Variants in RBPJ observed in about 807,000 individuals in gnomAD.
RBPJ encodes recombining binding protein suppressor of hairless.
RBPJ carries 9 observed loss-of-function variants against 67.8 expected under a neutral mutation model. The observed-to-expected ratio is 0.13, with a 90% confidence interval of 0.08 to 0.23. The LOEUF (loss-of-function observed/expected upper bound fraction) is 0.23. RBPJ is among the 10% of genes least tolerant of loss of function. The pLI, the probability that RBPJ is intolerant of heterozygous loss-of-function variation, is 1.00. For synonymous variants in RBPJ, 198 were observed against 203.3 expected (o/e 0.97, Z 0.22); for missense variants, 305 against 595.6 (o/e 0.51, Z 5.08).
At chr4:26,425,983 A>G (rs1320721554) in intron 7 of RBPJ, among the ~76,000 whole-genome samples, 2 of 151,120 alleles carry the variant, frequency 1.3e-5, no homozygotes, top group African/African-American at 2.4e-5. Context: ...CTCTGTCATG[A>G]TTGTACAAGG....
chr4:26,399,308 C>T (rs1228216170), intron 2 of RBPJ, among the ~76,000 whole-genome samples: 3 of 152,142 alleles, frequency 2.0e-5, no homozygotes, highest in Non-Finnish European at 4.4e-5. Context: ...TTTTTCTTGA[C>T]TATTCTGTAA....
At position 26,425,865 on chromosome 4, in the gene RBPJ, A is replaced by G. The variant is rs912181719; in HGVS notation, c.747+1122A>G. ...GCCTCCTATTTATCTTTTTGGTGCA[A>G]TATTCCACTGGCTTATATTTTCTGG... On this transcript the variant is annotated intron_variant, in intron 7 of 10. Coordinates refer to ENST00000355476, the MANE Select transcript of RBPJ (RefSeq NM_015874.6). Among the ~76,000 whole-genome samples, 11 of 152,168 alleles carry G rather than the reference A, an allele frequency of 7.2e-5. 1 individual carries two copies. The South Asian group carries it at 2.1e-3, about 29-fold the overall frequency.
chr4:26,276,497 G>GA (rs1183602235), intron 1 of RBPJ, among the ~76,000 whole-genome samples: 1 of 151,970 alleles, frequency 6.6e-6, no homozygotes, highest in Non-Finnish European at 1.5e-5. Context: ...TCGCCTCCTT[G>GA]AAAAAAACAC....
chr4:26,234,906 T>C (rs984819000), intron 1 of RBPJ, among the ~76,000 whole-genome samples: 7 of 152,120 alleles, frequency 4.6e-5, no homozygotes, highest in African/African-American at 1.7e-4. Context: ...TTGGCCAGGC[T>C]GGTTTCGAAC....
chr4:26,119,816 A>G, the RBPJ span, among the ~76,000 whole-genome samples: 2 of 152,244 alleles, frequency 1.3e-5, no homozygotes, highest in African/African-American at 4.8e-5. Context: ...TTCAAGTCCT[A>G]GATGTGGCCT....
chr4:26,379,299 A>G (rs1194170802), intron 1 of RBPJ, among the ~76,000 whole-genome samples: 1 of 151,968 alleles, frequency 6.6e-6, no homozygotes, highest in Non-Finnish European at 1.5e-5. Flanking sequence ...CCCGCCTCTC[A>G]AGCAGTCCTC....
chr4:26,124,787 G>T, the RBPJ span, among the ~76,000 whole-genome samples: 1 of 151,982 alleles, frequency 6.6e-6, no homozygotes, highest in African/African-American at 2.4e-5. Context: ...GTTTACATCA[G>T]CATTACCACA....
At chr4:26,256,836 C>T (rs1369040113) in intron 1 of RBPJ, among the ~76,000 whole-genome samples, 5 of 152,180 alleles carry the variant, frequency 3.3e-5, no homozygotes, top group South Asian at 2.1e-4. Flanking sequence ...AACAATGAAG[C>T]GAAACTCAGA....
chr4:26,212,439 T>TTC (rs1718460734), intron 1 of RBPJ, among the ~76,000 whole-genome samples: 40 of 135,680 alleles, frequency 2.9e-4, no homozygotes, highest in African/African-American at 9.5e-4. Flanking sequence ...TTTCTTTTTT[T>TTC]TTTTTTTTTT....
chr4:26,270,356 A>AGAAAGAAG (rs1720840231), intron 1 of RBPJ, among the ~76,000 whole-genome samples: 1 of 8,256 alleles, frequency 1.2e-4, no homozygotes, highest in Non-Finnish European at 2.6e-4. Context: ...AGAGAGCAAG[A>AGAAAGAAG]GAAAGAAAGA....
chr4:26,190,163 T>G (rs948194727), intron 1 of RBPJ, among the ~76,000 whole-genome samples: 2 of 152,238 alleles, frequency 1.3e-5, no homozygotes, highest in African/African-American at 4.8e-5. Context: ...CTTGTAGCAT[T>G]TGCTGCCTGC....
chr4:26,210,903 G>A (rs1171314073), intron 1 of RBPJ, among the ~76,000 whole-genome samples: 2 of 151,522 alleles, frequency 1.3e-5, no homozygotes, highest in East Asian at 3.9e-4. Flanking sequence ...AGCTTTTTCT[G>A]AAGTACTAGG....
In RBPJ at chr4:26,244,245, G is replaced by GTATACACATA. The variant is rs1398210705; in HGVS notation, c.-167+80632_-167+80633insATACACATAT. Among the ~76,000 whole-genome samples the GTATACACATA allele has an allele frequency of 3.7e-4, 7 of 18,774 alleles. 3 individuals carry two copies. The highest frequency in any genetic ancestry group is 7.4e-4 in the African/African-American group (5 of 6,774). The allele number at this position is 18,774 out of a possible 152,430, so 12.3% of individuals were successfully genotyped here. A position where few individuals can be genotyped will look rare whatever the true frequency, so the allele number is the denominator to read the frequency against. ...TGTACACATATATGTGTCTATATAT[G>GTATACACATA]TGTACACATACACATATGTGTACAC... On this transcript the variant is annotated intron_variant, in intron 1 of 4. Transcript: ENST00000512351.
chr4:26,255,205 C>A (rs959567998), intron 1 of RBPJ, among the ~76,000 whole-genome samples: 1 of 139,844 alleles, frequency 7.2e-6, no homozygotes, highest in African/African-American at 2.7e-5. Flanking sequence ...GAGATCGGGA[C>A]CATCCTGGCT....
chr4:26,195,615 G>A (rs1426894767), intron 1 of RBPJ, among the ~76,000 whole-genome samples: 1 of 151,868 alleles, frequency 6.6e-6, no homozygotes, highest in Non-Finnish European at 1.5e-5. Flanking sequence ...TGTTTTTTGA[G>A]ACGGAGTCTC....
intron 1 of RBPJ, among the ~76,000 whole-genome samples, chr4:26,220,339 C>T (rs1718860302): frequency 6.6e-6 from 1 of 152,142 alleles, no homozygotes; most frequent in Non-Finnish European, 1.5e-5. Flanking sequence ...TTGCAATAGT[C>T]ATTCTCCCTA....
At chr4:26,356,376 A>T (rs531826116) in intron 1 of RBPJ, among the ~76,000 whole-genome samples, 36 of 152,330 alleles carry the variant, frequency 2.4e-4, no homozygotes, top group African/African-American at 8.7e-4. Flanking sequence ...ATCAGGCCAA[A>T]TAGACTGGGA....
chr4:26,364,680 G>A (rs1380224445), intron 1 of RBPJ, among the ~76,000 whole-genome samples: 1 of 144,618 alleles, frequency 6.9e-6, no homozygotes, highest in African/African-American at 2.6e-5. Flanking sequence ...AGGCTGGAGT[G>A]CAATTGTGTG....
chr4:26,331,478 A>G (rs971680351), intron 1 of RBPJ, among the ~76,000 whole-genome samples: 1 of 151,344 alleles, frequency 6.6e-6, no homozygotes, highest in Admixed American at 6.6e-5. Context: ...CCTTTTTCTC[A>G]TATGTGCAGA....
Sources: allele counts gnomAD v4.1 joint callset (sites outside exome capture counted in the v4.1 genomes callset), GRCh38; gene constraint gnomAD v4.1.1; transcripts MANE v1.5; gene names NCBI Gene and HGNC (gene_info 2026-07-23, HGNC 2026-07-21).